The following LIG1 variants were observed in gnomAD, a reference collection of about 807,000 sequenced individuals.
The protein encoded by LIG1 is DNA ligase 1.
A neutral mutation model predicts 115.7 loss-of-function variants in LIG1; 70 were observed. That is an observed-to-expected ratio of 0.60 (90% CI 0.50 to 0.74). The LOEUF is 0.74. Ranked by LOEUF, LIG1 falls within the 30% of genes least tolerant of loss-of-function variation. The pLI is 0.00. For missense variants in LIG1, 1,115 were observed against 1,225.6 expected (o/e 0.91, Z 1.35); for synonymous variants, 487 against 495.3 (o/e 0.98, Z 0.22).
At position 48,137,678 on chromosome 19, in the gene LIG1, C is replaced by T; in HGVS notation, c.1098G>A (p.Leu366=). Reference sequence around the variant, plus strand: ...CGGCTGCCTCAGCCCGGACGGACTCCAGCTGCCGACCTTCAGGGGAGAGCG... The same window carrying T: ...CGGCTGCCTCAGCCCGGACGGACTCTAGCTGCCGACCTTCAGGGGAGAGCG... The part of the protein sequence containing the change: ...KAVAQATGRQ[L]ESVRAEAAEK... Residue 366 remains leucine, a synonymous_variant, in exon 13 of 28, where the codon CTG becomes CTA. Transcript: ENST00000263274. The surrounding 1 kb of genome is among the most constrained non-coding windows in gnomAD (Gnocchi z 4.3). 6.2e-7 allele frequency: 1 copy of T among 1,603,474 alleles called. No homozygotes were observed. The highest frequency in any genetic ancestry group is 2.2e-5 in the East Asian group (1 of 44,844).
At chr19:48,131,934 C>CTT (rs34833018) in intron 18 of LIG1, among the ~76,000 whole-genome samples, 1 of 131,874 alleles carries the variant, frequency 7.6e-6, no homozygotes, top group Non-Finnish European at 1.6e-5. Context: ...TGGATCCACC[C>CTT]TTTTTTTTTT....
Position 48,137,697 on chromosome 19 carries a change from G to GA in LIG1, c.1088-10dup, listed in dbSNP as rs1568507301. 1 of 1,601,582 alleles carries GA rather than the reference G, an allele frequency of 6.2e-7. No homozygotes were observed. The highest frequency in any genetic ancestry group is 1.7e-5 in the Admixed American group (1 of 59,982). On this transcript the variant is annotated splice_polypyrimidine_tract_variant and intron_variant, in intron 12 of 27. Transcript: ENST00000263274. This position sits in a 1 kb window ranked among gnomAD's most constrained non-coding sequence, Gnocchi z 4.3. ...GGACTCCAGCTGCCGACCTTCAGGG[G>GA]AGAGCGCGGGTGGGGGTGTCGAGGG... is the stretch of plus-strand genomic sequence containing the variant.
At chr19:48,166,457 T>A (rs944555051) in intron 1 of LIG1, among the ~76,000 whole-genome samples, 2 of 152,092 alleles carry the variant, frequency 1.3e-5, no homozygotes, top group East Asian at 3.8e-4. Flanking sequence ...GTACAGAACA[T>A]CTCAGTTGGA....
At chr19:48,134,090 A>G (rs891420269) in intron 16 of LIG1, 24 bp from the exon 17 acceptor site, 2 of 1,544,156 alleles carry the variant, frequency 1.3e-6, no homozygotes, top group Admixed American at 2.0e-5. Flanking sequence ...TGAGAACAAG[A>G]TAGGGGAAGC....
rs1181942958 is a variant in LIG1, at chr19:48,140,225, G to A, written c.915-82C>T. On this transcript the variant is annotated intron_variant, in intron 11 of 27. Coordinates refer to ENST00000263274, the MANE Select transcript of LIG1 (RefSeq NM_000234.3). ...CGGGGTGGGGTGGGTTTAAGGGGGT[G>A]GACACTAGAAAGAAATGGAGAAAGA... The A allele has an allele frequency of 5.6e-6, 5 of 894,296 alleles. No homozygotes were observed. The South Asian group carries it at 7.3e-5, about 13-fold the overall frequency. The allele number at this position is 894,296 out of a possible 1,614,324, so 55.4% of individuals were successfully genotyped here.
chr19:48,138,167 G>A (rs546133501), intron 12 of LIG1, among the ~76,000 whole-genome samples: 1 of 152,246 alleles, frequency 6.6e-6, no homozygotes, highest in African/African-American at 2.4e-5. Flanking sequence ...TTACTGTCCA[G>A]AGCTGGGTCC....
Position 48,149,797 on chromosome 19 carries a change from G to A in LIG1, c.742C>T (p.Pro248Ser), listed in dbSNP as rs781038913. Reference sequence around the variant, plus strand: ...GCTCCCTCCTTTCCTGGAGCCCCTGGCTCCTCTTCCTTCACTTCTTTTTTG... The same window carrying A: ...GCTCCCTCCTTTCCTGGAGCCCCTGACTCCTCTTCCTTCACTTCTTTTTTG... ...AVKKEVKEEE[P>S]GAPGKEGAAE... is the part of the protein sequence containing the mutation. Residue 248 changes from proline to serine, a missense_variant, in exon 9 of 28, where the codon CCA becomes TCA. Physicochemically the swap from Pro to Ser is moderately conservative, Grantham distance 74. Coordinates refer to ENST00000263274, the MANE Select transcript of LIG1 (RefSeq NM_000234.3). 2 of 1,614,118 alleles carry A rather than the reference G, an allele frequency of 1.2e-6. No individual in the cohort carries two copies. The highest frequency in any genetic ancestry group is 4.5e-5 in the East Asian group (2 of 44,882).
At chr19:48,120,621 G>A (rs893585694) in intron 24 of LIG1, 1 of 923,210 alleles carries the variant, frequency 1.1e-6, no homozygotes, top group Middle Eastern at 5.6e-4. Flanking sequence ...GCAGCTAGGG[G>A]TGAGCCATGG....
Position 48,161,367 on chromosome 19 carries a change from C to T in LIG1, c.243+5G>A, listed in dbSNP as rs1417102532. On this transcript the variant is annotated splice_donor_5th_base_variant and intron_variant, in intron 4 of 27. Transcript: ENST00000263274. Reference sequence around the variant, plus strand: ...GTAAAAATGGGCAGGGTGATGGGGACCTACCTGGCCTTTAGCAGGGCTAAG... The same window carrying T: ...GTAAAAATGGGCAGGGTGATGGGGATCTACCTGGCCTTTAGCAGGGCTAAG... 2.5e-6 allele frequency: 4 copies of T among 1,614,030 alleles called. No homozygotes were observed. The Admixed American group carries it at 5.0e-5, about 20-fold the overall frequency.
At chr19:48,119,529 CTTTTTTT>C (rs71334267) in intron 24 of LIG1, among the ~76,000 whole-genome samples, 5 of 67,980 alleles carry the variant, frequency 7.4e-5, no homozygotes, top group East Asian at 1.2e-3. Flanking sequence ...CACTTCCAGT[CTTTTTTT>C]TTTTTTTTTT....
In LIG1 at chr19:48,137,472, C is replaced by T. The variant is rs2034464272; in HGVS notation, c.1254+50G>A. Reference sequence around the variant, plus strand: ...AGCCTTCCTGACACACGCGTGGCCTCAGGTCCCCAAGATGTCTGGGGTCCG... The same window carrying T: ...AGCCTTCCTGACACACGCGTGGCCTTAGGTCCCCAAGATGTCTGGGGTCCG... On this transcript the variant is annotated intron_variant, in intron 13 of 27. Transcript: ENST00000263274. This position sits in a 1 kb window ranked among gnomAD's most constrained non-coding sequence, Gnocchi z 4.3. 1.2e-6 allele frequency: 2 copies of T among 1,603,178 alleles called. No individual in the cohort carries two copies. Among genetic ancestry groups the T allele is most frequent in the Admixed American group, 3.3e-5 (2 of 59,820 alleles).
In LIG1 at chr19:48,137,704, CG is replaced by C. The variant is rs747702815; in HGVS notation, c.1088-17del. On this transcript the variant is annotated splice_polypyrimidine_tract_variant and intron_variant, in intron 12 of 27. Transcript: ENST00000263274. This position sits in a 1 kb window ranked among gnomAD's most constrained non-coding sequence, Gnocchi z 4.3. ...AGCTGCCGACCTTCAGGGGAGAGCGCGGGTGGGGGTGTCGAGGGTGACAGTT... is the reference window on the plus strand; with the variant it reads ...AGCTGCCGACCTTCAGGGGAGAGCGCGGTGGGGGTGTCGAGGGTGACAGTT... 1.2e-6 allele frequency: 2 copies of C among 1,600,810 alleles called. No individual in the cohort carries two copies. The highest frequency in any genetic ancestry group is 8.5e-7 in the Non-Finnish European group (1 of 1,179,518).
intron 26 of LIG1, among the ~76,000 whole-genome samples, chr19:48,117,320 T>C (rs1173737718): frequency 1.3e-5 from 2 of 148,796 alleles, no homozygotes; most frequent in East Asian, 2.0e-4. Context: ...CCATCACACA[T>C]GGCTAATTTT....
At chr19:48,164,983 G>A (rs1483152477) in intron 2 of LIG1, among the ~76,000 whole-genome samples, 2 of 152,200 alleles carry the variant, frequency 1.3e-5, no homozygotes, top group Non-Finnish European at 2.9e-5. Context: ...GACACTGGCC[G>A]GGCGCCGTGG....
chr19:48,148,291 T>C (rs1004649465), intron 9 of LIG1, among the ~76,000 whole-genome samples: 5 of 151,996 alleles, frequency 3.3e-5, no homozygotes, highest in African/African-American at 4.8e-5. Flanking sequence ...CTGGCCAACA[T>C]GGTGAAACCC....
intron 2 of LIG1, among the ~76,000 whole-genome samples, chr19:48,162,775 A>T (rs2123039437): frequency 6.6e-6 from 1 of 152,168 alleles, no homozygotes; most frequent in East Asian, 1.9e-4. Flanking sequence ...CATAACAGAG[A>T]ATTTCAAATA....
At position 48,136,137 on chromosome 19, in the gene LIG1, G is replaced by C; in HGVS notation, c.1332-12C>G. Reference sequence around the variant, plus strand: ...GTCCGCTCAGGGACCTGGGGAGAGAGCAGGCCAGGGAAGGGGGCTTGTCTG... The same window carrying C: ...GTCCGCTCAGGGACCTGGGGAGAGACCAGGCCAGGGAAGGGGGCTTGTCTG... On this transcript the variant is annotated splice_polypyrimidine_tract_variant and intron_variant, in intron 14 of 27. Coordinates refer to ENST00000263274, the MANE Select transcript of LIG1 (RefSeq NM_000234.3). The C allele has an allele frequency of 1.9e-6, 3 of 1,557,262 alleles. No homozygotes were observed. Among genetic ancestry groups the C allele is most frequent in the South Asian group, 1.2e-5 (1 of 84,596 alleles).
intron 5 of LIG1, among the ~76,000 whole-genome samples, chr19:48,155,089 C>A (rs2035751888): frequency 6.6e-6 from 1 of 152,134 alleles, no homozygotes; most frequent in African/African-American, 2.4e-5. Context: ...TGACACACCC[C>A]CAGGGCCAAC....
At chr19:48,157,784 C>T (rs909899367) in intron 4 of LIG1, among the ~76,000 whole-genome samples, 2 of 152,152 alleles carry the variant, frequency 1.3e-5, no homozygotes, top group Non-Finnish European at 1.5e-5. Context: ...TGAGCTCAAG[C>T]GATCCTCCCG....
Sources: allele counts gnomAD v4.1 joint callset (sites outside exome capture counted in the v4.1 genomes callset), GRCh38; gene constraint gnomAD v4.1.1; non-coding constraint Gnocchi (gnomAD v3.1); transcripts MANE v1.5; gene names NCBI Gene and HGNC (gene_info 2026-07-23, HGNC 2026-07-21).